Variants in PCDH9 observed in about 807,000 individuals in gnomAD.
PCDH9 encodes the protein protocadherin-9.
Under a neutral mutation model 70.6 loss-of-function variants are expected in PCDH9, and 24 were observed. The ratio of observed to expected loss-of-function variants is 0.34; its 90% CI spans 0.25 to 0.48. The LOEUF (loss-of-function observed/expected upper bound fraction) is 0.48, where lower values mean the gene tolerates loss of function less well. PCDH9 is among the 20% of genes least tolerant of loss of function. The probability of loss-of-function intolerance (pLI) is 0.99; values close to 1 mark genes in which losing one functional copy is unlikely to be tolerated. For synonymous variants in PCDH9, 562 were observed against 558.5 expected (o/e 1.01, Z -0.09); for missense variants, 1,281 against 1,503.6 (o/e 0.85, Z 2.45).
At chr13:67,059,370 G>GTATATAGTATATATAGTGTATA (rs2085489436) in intron 2 of PCDH9, among the ~76,000 whole-genome samples, 1 of 140,898 alleles carries the variant, frequency 7.1e-6, no homozygotes, top group South Asian at 2.2e-4. Flanking sequence ...TATATAGTGT[G>GTATATAGTATATATAGTGTATA]TATATATATA....
chr13:66,833,512 CAG>C (rs776449757), intron 3 of PCDH9, among the ~76,000 whole-genome samples: 1 of 152,122 alleles, frequency 6.6e-6, no homozygotes, highest in Non-Finnish European at 1.5e-5. Context: ...TCTATACTGA[CAG>C]TGTAGCTGTC....
chr13:66,718,099 A>G (rs1351485087), intron 3 of PCDH9, among the ~76,000 whole-genome samples: 1 of 152,214 alleles, frequency 6.6e-6, no homozygotes, highest in Non-Finnish European at 1.5e-5. Flanking sequence ...GTCTCTCACT[A>G]CTGTGCTTTT....
intron 2 of PCDH9, among the ~76,000 whole-genome samples, chr13:67,168,571 T>TA (rs11392542): frequency 0.16 from 23,811 of 147,060 alleles, 1,988 homozygotes; most frequent in East Asian, 0.21. Flanking sequence ...TACAAAATGT[T>TA]AAAAAAAAAA....
intron 4 of PCDH9, among the ~76,000 whole-genome samples, chr13:66,622,981 C>T (rs902841819): frequency 5.3e-5 from 8 of 152,064 alleles, no homozygotes; most frequent in African/African-American, 1.7e-4. Context: ...GACGGGCCCC[C>T]TTAAGAGCTG....
chr13:66,602,134 T>C (rs762658227), intron 4 of PCDH9, among the ~76,000 whole-genome samples: 2 of 146,000 alleles, frequency 1.4e-5, no homozygotes, highest in Admixed American at 1.4e-4. Flanking sequence ...CTGGGCCACA[T>C]TGGAAGAAGA....
intron 3 of PCDH9, among the ~76,000 whole-genome samples, chr13:66,638,727 A>G (rs1386157337): frequency 1.3e-5 from 2 of 152,156 alleles, no homozygotes; most frequent in Non-Finnish European, 2.9e-5. Context: ...AGTTAACTGG[A>G]ATTAACGTAT....
chr13:66,954,930 AT>A (rs1395827002), intron 2 of PCDH9, among the ~76,000 whole-genome samples: 3 of 151,922 alleles, frequency 2.0e-5, no homozygotes, highest in Non-Finnish European at 4.4e-5. Context: ...CGCCCGGCTA[AT>A]TTTTTGTATT....
At chr13:66,311,833 G>A (rs546421400) in intron 4 of PCDH9, among the ~76,000 whole-genome samples, 1 of 152,258 alleles carries the variant, frequency 6.6e-6, no homozygotes, top group South Asian at 2.1e-4. Context: ...ACCAGCCAGA[G>A]GGTGTGAATC....
chr13:66,522,527 T>C (rs1302294813), intron 4 of PCDH9, among the ~76,000 whole-genome samples: 1 of 152,072 alleles, frequency 6.6e-6, no homozygotes, highest in Non-Finnish European at 1.5e-5. Flanking sequence ...AAAAGATGTG[T>C]TTGTGTCCAA....
At position 66,787,148 on chromosome 13, in the gene PCDH9, A is replaced by T. The variant is rs1481577114; in HGVS notation, c.3138+116356T>A. Reference sequence around the variant, plus strand: ...ATTTTTGTGTGCAGTTAATCACAAGACCCTCAACCCCATGCTGTACCACTT... The same window carrying T: ...ATTTTTGTGTGCAGTTAATCACAAGTCCCTCAACCCCATGCTGTACCACTT... On this transcript the variant is annotated intron_variant, in intron 3 of 4. Coordinates refer to ENST00000377865, the MANE Select transcript of PCDH9 (RefSeq NM_203487.3). Among the ~76,000 whole-genome samples the T allele has an allele frequency of 3.9e-5, 6 of 152,210 alleles. No individual in the cohort carries two copies. In the East Asian group the frequency reaches 1.2e-3, roughly 29 times the overall value.
At chr13:66,348,333 T>C (rs989242489) in intron 4 of PCDH9, among the ~76,000 whole-genome samples, 3 of 152,082 alleles carry the variant, frequency 2.0e-5, no homozygotes, top group African/African-American at 7.2e-5. Context: ...ACCATAGAAA[T>C]GTTCAATAAC....
At chr13:66,768,510 T>C (rs922521335) in intron 3 of PCDH9, among the ~76,000 whole-genome samples, 1 of 152,054 alleles carries the variant, frequency 6.6e-6, no homozygotes, top group African/African-American at 2.4e-5. Flanking sequence ...AAGGGAATTC[T>C]ACTCCTATAA....
intron 2 of PCDH9, among the ~76,000 whole-genome samples, chr13:66,937,045 G>A (rs1454402692): frequency 6.6e-6 from 1 of 152,142 alleles, no homozygotes; most frequent in Non-Finnish European, 1.5e-5. Flanking sequence ...ATATAAGTAT[G>A]CATGATCATC....
chr13:67,037,997 A>C (rs2139900195), intron 2 of PCDH9, among the ~76,000 whole-genome samples: 1 of 152,302 alleles, frequency 6.6e-6, no homozygotes, highest in Non-Finnish European at 1.5e-5. Flanking sequence ...ATTTTTTGGT[A>C]ATAAAAATAG....
chr13:67,217,548 T>C (rs1434050602), intron 2 of PCDH9: 1 of 152,150 alleles, frequency 6.6e-6, no homozygotes, highest in African/African-American at 2.4e-5. Context: ...AACATTGTCA[T>C]GAAGCTAAAT....
At chr13:66,993,330 A>G (rs1419882834) in intron 2 of PCDH9, among the ~76,000 whole-genome samples, 1 of 152,212 alleles carries the variant, frequency 6.6e-6, no homozygotes, top group African/African-American at 2.4e-5. Flanking sequence ...GAATATGAAA[A>G]CGTGACATCA....
intron 2 of PCDH9, among the ~76,000 whole-genome samples, chr13:67,117,766 C>T (rs551741921): frequency 2.0e-5 from 3 of 152,014 alleles, no homozygotes; most frequent in African/African-American, 7.2e-5. Context: ...TTCCTTAATG[C>T]GGCCTAATTA....
intron 3 of PCDH9, among the ~76,000 whole-genome samples, chr13:66,674,002 G>A (rs994084935): frequency 4.6e-5 from 7 of 151,892 alleles, no homozygotes; most frequent in Admixed American, 2.6e-4. Context: ...TTATAATAGG[G>A]TCTAAAGTTT....
In PCDH9 at chr13:67,021,067, T is replaced by G. The variant is rs549586816; in HGVS notation, c.3037-117462A>C. On this transcript the variant is annotated intron_variant, in intron 2 of 4. Coordinates refer to ENST00000377865, the MANE Select transcript of PCDH9 (RefSeq NM_203487.3). Reference sequence around the variant, plus strand: ...TCTTTTTTCCTTTCTTTGTGAGAAATAAAAGAAGCATATTTCTTTTTAAGA... The same window carrying G: ...TCTTTTTTCCTTTCTTTGTGAGAAAGAAAAGAAGCATATTTCTTTTTAAGA... Among the ~76,000 whole-genome samples, 7 of 152,298 alleles carry G rather than the reference T, an allele frequency of 4.6e-5. No individual in the cohort carries two copies. The South Asian group carries it at 1.4e-3, about 32-fold the overall frequency.
Sources: allele counts gnomAD v4.1 joint callset (sites outside exome capture counted in the v4.1 genomes callset), GRCh38; gene constraint gnomAD v4.1.1; transcripts MANE v1.5; gene names NCBI Gene and HGNC (gene_info 2026-07-23, HGNC 2026-07-21).